The following LRRC7 variants were observed in gnomAD, a reference collection of about 807,000 sequenced individuals.
LRRC7 encodes the protein leucine rich repeat containing 7, also known as leucine-rich repeat-containing protein 7.
Under a neutral mutation model 175.7 loss-of-function variants are expected in LRRC7, and 23 were observed. The ratio of observed to expected loss-of-function variants is 0.13; its 90% CI spans 0.09 to 0.19. The LOEUF is 0.19. Ranked by LOEUF, LRRC7 falls within the 10% of genes least tolerant of loss-of-function variation. LRRC7 has a pLI of 1.00. For synonymous variants in LRRC7, 685 were observed against 680.9 expected (o/e 1.01, Z -0.09); for missense variants, 1,354 against 1,904.7 (o/e 0.71, Z 5.38).
chr1:70,029,887 C>T (rs1177895259), intron 18 of LRRC7, among the ~76,000 whole-genome samples: 1 of 152,084 alleles, frequency 6.6e-6, no homozygotes, highest in African/African-American at 2.4e-5. Context: ...CATAACAAAT[C>T]CAAAATTAGA....
At chr1:70,106,320 A>G (rs977909526) in intron 25 of LRRC7, among the ~76,000 whole-genome samples, 1 of 152,168 alleles carries the variant, frequency 6.6e-6, no homozygotes, top group African/African-American at 2.4e-5. Flanking sequence ...CTACTGGCAA[A>G]TGCTAATCTG....
chr1:70,005,024 C>T (rs374735018), intron 11 of LRRC7, among the ~76,000 whole-genome samples: 1 of 151,178 alleles, frequency 6.6e-6, no homozygotes, highest in African/African-American at 2.4e-5. Context: ...GTTCAAGATT[C>T]GTTTTTTTTT....
intron 1 of LRRC7, among the ~76,000 whole-genome samples, chr1:69,583,704 G>T (rs563575558): frequency 6.6e-6 from 1 of 152,084 alleles, no homozygotes; most frequent in African/African-American, 2.4e-5. Context: ...GGCATTATTC[G>T]TTATTTTCAG....
rs574219257 is a variant in LRRC7 at position 69,772,809 on chromosome 1, C to A, written c.303+12416C>A. On this transcript the variant is annotated intron_variant, in intron 3 of 26. Transcript: ENST00000651989. ...AGTTGCTATTGATAGAGGAGGAAAA[C>A]AAGGAAAGAAGGGTTTTTGAAGATA... is the stretch of plus-strand genomic sequence containing the variant. Among the ~76,000 whole-genome samples the A allele has an allele frequency of 8.2e-4, 125 of 151,974 alleles. 1 individual carries two copies. The highest frequency in any genetic ancestry group is 2.9e-3 in the African/African-American group (122 of 41,438).
intron 8 of LRRC7, among the ~76,000 whole-genome samples, chr1:69,938,326 TA>T (rs552899759): frequency 1.3e-5 from 2 of 152,026 alleles, no homozygotes; most frequent in South Asian, 4.1e-4. Flanking sequence ...AGAAAAGCTT[TA>T]AAAAAATTCT....
At chr1:70,068,179 G>T (rs1350234795) in intron 23 of LRRC7, among the ~76,000 whole-genome samples, 1 of 152,086 alleles carries the variant, frequency 6.6e-6, no homozygotes, top group Admixed American at 6.6e-5. Context: ...ATTTACGTCT[G>T]CTCCTGATCT....
intron 7 of LRRC7, among the ~76,000 whole-genome samples, chr1:69,848,507 C>T (rs1682616719): frequency 6.6e-6 from 1 of 152,050 alleles, no homozygotes; most frequent in Admixed American, 6.6e-5. Context: ...TCCCTACCAC[C>T]TATGCTTTGA....
intron 7 of LRRC7, among the ~76,000 whole-genome samples, chr1:69,913,712 C>T (rs563799985): frequency 6.6e-6 from 1 of 152,110 alleles, no homozygotes; most frequent in South Asian, 2.1e-4. Flanking sequence ...GGGACTTTAC[C>T]ATGTTGGCCA....
chr1:69,701,471 G>A (rs1251656710), intron 2 of LRRC7, among the ~76,000 whole-genome samples: 2 of 152,144 alleles, frequency 1.3e-5, no homozygotes, highest in Non-Finnish European at 2.9e-5. Context: ...GACTGAATTA[G>A]TGAATAGGAC....
intron 1 of LRRC7, among the ~76,000 whole-genome samples, chr1:69,575,472 G>T (rs948199938): frequency 1.3e-5 from 2 of 152,048 alleles, no homozygotes; most frequent in Non-Finnish European, 2.9e-5. Flanking sequence ...TTGGACAATT[G>T]CCTTATCCTC....
chr1:70,040,793 G>A (rs1456347614), intron 21 of LRRC7, among the ~76,000 whole-genome samples: 1 of 152,052 alleles, frequency 6.6e-6, no homozygotes, highest in African/African-American at 2.4e-5. Context: ...CAGCCTGGGT[G>A]ACAAAGTGAG....
chr1:70,096,918 G>A (rs1664446784), intron 25 of LRRC7, among the ~76,000 whole-genome samples: 7 of 152,140 alleles, frequency 4.6e-5, no homozygotes. Context: ...TGCTGAATGT[G>A]AACTGCTACC....
intron 18 of LRRC7, among the ~76,000 whole-genome samples, chr1:70,030,709 A>C (rs1164830624): frequency 6.6e-6 from 1 of 152,326 alleles, no homozygotes; most frequent in South Asian, 2.1e-4. Flanking sequence ...AATATAGAAA[A>C]CCCCCAAAAA....
At chr1:69,967,150 A>G (rs1311021551) in intron 8 of LRRC7, among the ~76,000 whole-genome samples, 1 of 152,106 alleles carries the variant, frequency 6.6e-6, no homozygotes, top group Non-Finnish European at 1.5e-5. Context: ...ATTGCGTGGG[A>G]GGTGGGTGAG....
At chr1:69,753,284 GTGTGTGTGTGTA>G (rs1315457629) in intron 2 of LRRC7, among the ~76,000 whole-genome samples, 10 of 88,712 alleles carry the variant, frequency 1.1e-4, no homozygotes, top group East Asian at 1.4e-3. Flanking sequence ...AATCATTGTC[GTGTGTGTGTGTA>G]TGTGTGTGTG....
chr1:69,889,694 C>A lies in LRRC7; in HGVS notation c.648-41813C>A, dbSNP rs141119267. 4.5e-3 allele frequency among the ~76,000 whole-genome samples: 674 copies of A among 150,726 alleles called. 5 individuals carry two copies. The highest frequency in any genetic ancestry group is 0.015 in the African/African-American group (604 of 40,080). On this transcript the variant is annotated intron_variant, in intron 7 of 26. Coordinates refer to ENST00000651989, the MANE Select transcript of LRRC7 (RefSeq NM_001370785.2). ...TGGTGTCATGCACCTGTAGTCCCAG[C>A]TACTCAGGAGGCTGAGGTGGGAGGA...
intron 7 of LRRC7, chr1:69,875,101 T>C (rs929142742): frequency 1.3e-5 from 2 of 152,098 alleles, no homozygotes; most frequent in African/African-American, 4.8e-5. Flanking sequence ...TTATTCAGCT[T>C]TCCGAAATTT....
At chr1:69,807,367 G>A (rs1677249348) in intron 4 of LRRC7, among the ~76,000 whole-genome samples, 1 of 152,008 alleles carries the variant, frequency 6.6e-6, no homozygotes, top group Admixed American at 6.6e-5. Context: ...TTGCTCGTTA[G>A]TTGATGCAGT....
chr1:70,040,187 G>A (rs759277312), intron 21 of LRRC7, among the ~76,000 whole-genome samples: 56 of 152,100 alleles, frequency 3.7e-4, no homozygotes, highest in Non-Finnish European at 5.9e-4. Flanking sequence ...TATTTCCCCC[G>A]TTTCTGGATG....
Sources: gnomAD v4.1 joint callset for allele counts (sites outside exome capture counted in the v4.1 genomes callset) on GRCh38, gnomAD v4.1.1 for gene constraint, MANE v1.5 for transcripts, NCBI Gene and HGNC (gene_info 2026-07-23, HGNC 2026-07-21) for gene names.